BEND3: variants seen among roughly 807,000 people sequenced by gnomAD.
BEND3 encodes the protein BEN domain-containing protein 3.
Under a neutral mutation model 60.1 loss-of-function variants are expected in BEND3, and 13 were observed. The ratio of observed to expected loss-of-function variants is 0.22; its 90% CI spans 0.14 to 0.34. The LOEUF is 0.34. Among genes scored for constraint, BEND3 ranks in the 10% least tolerant of loss-of-function variants. BEND3 has a pLI of 1.00. For synonymous variants in BEND3, 497 were observed against 491.5 expected (o/e 1.01, Z -0.15); for missense variants, 896 against 1,138.1 (o/e 0.79, Z 3.06).
intron 3 of BEND3, among the ~76,000 whole-genome samples, chr6:107,082,323 A>C (rs782340700): frequency 6.6e-6 from 1 of 152,224 alleles, no homozygotes; most frequent in Admixed American, 6.5e-5. Context: ...GTGAGGACCC[A>C]GATACGTGAG....
chr6:107,087,071 C>G (rs1418996659), intron 3 of BEND3, among the ~76,000 whole-genome samples: 4 of 151,044 alleles, frequency 2.6e-5, no homozygotes, highest in African/African-American at 7.3e-5. Context: ...CAAGCCTGGG[C>G]CGGTAATCCC....
At chr6:107,085,463 T>C (rs1333237899) in intron 3 of BEND3, among the ~76,000 whole-genome samples, 1 of 152,188 alleles carries the variant, frequency 6.6e-6, no homozygotes, top group African/African-American at 2.4e-5. Context: ...CTCTTTTCTT[T>C]TGTTTTTTCT....
At chr6:107,074,129 T>C (rs1308806116) in intron 3 of BEND3, among the ~76,000 whole-genome samples, 1 of 151,958 alleles carries the variant, frequency 6.6e-6, no homozygotes, top group Non-Finnish European at 1.5e-5. Context: ...TTAATAAATA[T>C]TTATGGCCGG....
chr6:107,070,988 G>A lies in BEND3; in HGVS notation c.241-38C>T, dbSNP rs782388890. 4 of 1,557,504 alleles carry A rather than the reference G, an allele frequency of 2.6e-6. No homozygotes were observed. The highest frequency in any genetic ancestry group is 2.7e-5 in the African/African-American group (2 of 73,644). ...AATCATTTCCCAGAGTGTTAGGTGG[G>A]TGCTGTGGTTTATGACACTAAACAA... On this transcript the variant is annotated intron_variant, in intron 3 of 3. Coordinates refer to ENST00000369042, the MANE Select transcript of BEND3 (RefSeq NM_001367314.1). This position sits in a 1 kb window ranked among gnomAD's most constrained non-coding sequence, Gnocchi z 6.9.
chr6:107,084,372 G>T (rs928820626), intron 3 of BEND3, among the ~76,000 whole-genome samples: 1 of 152,252 alleles, frequency 6.6e-6, no homozygotes, highest in African/African-American at 2.4e-5. Flanking sequence ...GGGTCAGGTA[G>T]GGATTTGGAG....
intron 3 of BEND3, among the ~76,000 whole-genome samples, chr6:107,090,971 A>G (rs1273619118): frequency 1.3e-5 from 2 of 151,964 alleles, no homozygotes; most frequent in East Asian, 3.9e-4. Context: ...TTAGCCGAGC[A>G]TGGTCGTGGG....
chr6:107,108,804 G>GTTGA (rs1188048443), intron 1 of BEND3, among the ~76,000 whole-genome samples: 8 of 152,142 alleles, frequency 5.3e-5, no homozygotes, highest in Non-Finnish European at 8.8e-5. Flanking sequence ...AATTAAGAGG[G>GTTGA]TTGATTGATT....
chr6:107,096,720 A>C lies in BEND3; in HGVS notation c.240+1831T>G, dbSNP rs141587681. On this transcript the variant is annotated intron_variant, in intron 3 of 3. Transcript: ENST00000369042. ...GTAGCTGGAAAAGTAGGGAATGAGG[A>C]GCTACTGCTAATGGGCAGGGACTCT... Among the ~76,000 whole-genome samples, 355 of 152,372 alleles carry C rather than the reference A, an allele frequency of 2.3e-3. 1 individual carries two copies. The highest frequency in any genetic ancestry group is 8.3e-3 in the African/African-American group (345 of 41,584).
At chr6:107,097,362 T>A (rs1453067051) in intron 3 of BEND3, among the ~76,000 whole-genome samples, 7 of 146,638 alleles carry the variant, frequency 4.8e-5, no homozygotes, top group African/African-American at 1.8e-4. Context: ...AGTGAAACTC[T>A]GTCTCAAAGA....
At chr6:107,079,065 G>A (rs1775167830) in intron 3 of BEND3, among the ~76,000 whole-genome samples, 1 of 152,144 alleles carries the variant, frequency 6.6e-6, no homozygotes, top group Admixed American at 6.6e-5. Context: ...GAGCGGATCA[G>A]TGGAAGAAGA....
Position 107,068,871 on chromosome 6 carries a change from G to C in BEND3, c.2320C>G (p.Pro774Ala), listed in dbSNP as rs781890852. The C allele has an allele frequency of 6.2e-7, 1 of 1,614,010 alleles. No homozygotes were observed. Among genetic ancestry groups the C allele is most frequent in the Admixed American group, 1.7e-5 (1 of 60,026 alleles). ...TGGCGGATGAGCCGCAGCCGCGTGG[G>C]GTCCAGTTGCTTCTTGTTGCAAGCC... ...SGACNKKQLD[P>A]TRLRLIRHYV... Residue 774 changes from proline (P) to alanine (A), a missense_variant, in exon 4 of 4, where the codon CCC becomes GCC. Pro to Ala is a conservative substitution (Grantham distance 27, BLOSUM62 -1). Coordinates refer to ENST00000369042, the MANE Select transcript of BEND3 (RefSeq NM_001367314.1). The surrounding 1 kb of genome is among the most constrained non-coding windows in gnomAD (Gnocchi z 5.8).
intron 3 of BEND3, among the ~76,000 whole-genome samples, chr6:107,071,337 G>A (rs932544665): frequency 1.3e-5 from 2 of 152,234 alleles, no homozygotes; most frequent in African/African-American, 2.4e-5. Flanking sequence ...TGCCGGCCAC[G>A]GGCAGGTCAC....
chr6:107,071,602 G>C (rs1301877996), intron 3 of BEND3, among the ~76,000 whole-genome samples: 2 of 152,126 alleles, frequency 1.3e-5, no homozygotes, highest in African/African-American at 4.8e-5. Flanking sequence ...GAACTTTCTG[G>C]CCTGTGCAAC....
chr6:107,113,646 G>A (rs1770175588), intron 1 of BEND3, among the ~76,000 whole-genome samples: 1 of 152,082 alleles, frequency 6.6e-6, no homozygotes, highest in African/African-American at 2.4e-5. Context: ...CGGGTTAGAG[G>A]CTGGGGATGT....
At chr6:107,094,542 AC>A (rs1554235683) in intron 3 of BEND3, among the ~76,000 whole-genome samples, 1 of 151,674 alleles carries the variant, frequency 6.6e-6, no homozygotes, top group African/African-American at 2.4e-5. Flanking sequence ...AATCGCTTGA[AC>A]CCAGCAGGCA....
intron 3 of BEND3, among the ~76,000 whole-genome samples, chr6:107,092,364 A>G (rs1775495878): frequency 6.6e-6 from 1 of 152,236 alleles, no homozygotes; most frequent in Non-Finnish European, 1.5e-5. Context: ...GCAACAGGGT[A>G]AAGAAGAAAA....
At chr6:107,086,832 C>G (rs782546403) in intron 3 of BEND3, among the ~76,000 whole-genome samples, 2 of 151,554 alleles carry the variant, frequency 1.3e-5, no homozygotes, top group African/African-American at 2.4e-5. Context: ...TGAAACCATC[C>G]TGGCCAACAT....
intron 3 of BEND3, among the ~76,000 whole-genome samples, chr6:107,093,492 G>A (rs1775519751): frequency 6.6e-6 from 1 of 151,620 alleles, no homozygotes; most frequent in Non-Finnish European, 1.5e-5. Context: ...ACACAGTTAA[G>A]ACTGATACTA....
chr6:107,072,125 C>T (rs1185100557), intron 3 of BEND3, among the ~76,000 whole-genome samples: 1 of 152,194 alleles, frequency 6.6e-6, no homozygotes, highest in African/African-American at 2.4e-5. Flanking sequence ...TCAGTGAGCG[C>T]TGGTGGGTGT....
Sources: allele counts gnomAD v4.1 joint callset (sites outside exome capture counted in the v4.1 genomes callset), GRCh38; gene constraint gnomAD v4.1.1; non-coding constraint Gnocchi (gnomAD v3.1); transcripts MANE v1.5; gene names NCBI Gene and HGNC (gene_info 2026-07-23, HGNC 2026-07-21).